Variants in GEMIN5 observed in about 807,000 individuals in gnomAD.
The protein encoded by GEMIN5 is gem-associated protein 5.
A neutral mutation model predicts 176.9 loss-of-function variants in GEMIN5; 124 were observed. The ratio of observed to expected loss-of-function variants is 0.70; its 90% CI spans 0.61 to 0.81. The LOEUF is 0.81. GEMIN5 is among the 40% of genes least tolerant of loss of function. The probability of loss-of-function intolerance (pLI) is 0.00; values close to 1 mark genes in which losing one functional copy is unlikely to be tolerated. For synonymous variants in GEMIN5, 673 were observed against 665.2 expected, an observed-to-expected ratio of 1.01 and a Z score of -0.18; for missense variants, 1,843 against 1,814.6, an observed-to-expected ratio of 1.02 and a Z score of -0.28.
At chr5:154,907,874 T>C (rs1208988861) in intron 15 of GEMIN5, 56 bp from the exon 16 acceptor site, 2 of 1,235,236 alleles carry the variant, frequency 1.6e-6, no homozygotes, top group East Asian at 2.3e-5. Context: ...TTAAAAGCAC[T>C]CTAGGTGGTA....
At chr5:154,924,672 T>C in intron 8 of GEMIN5, 118 bp from the exon 9 acceptor site, 3 of 696,208 alleles carry the variant, frequency 4.3e-6, no homozygotes, top group Non-Finnish European at 7.5e-6. Context: ...ATTTCTTCAT[T>C]ATTTAAAGGA....
At position 154,907,459 on chromosome 5, in the gene GEMIN5, C is replaced by CA. The variant is rs200581237; in HGVS notation, c.2395+131dup. 1,206 of 331,392 alleles carry CA rather than the reference C, an allele frequency of 3.6e-3. 10 individuals are homozygous for CA. The African/African-American group carries it at 0.056, about 15-fold the overall frequency. The allele number at this position is 331,392 out of a possible 1,614,324, so 20.5% of individuals were successfully genotyped here. The stretch of plus-strand genomic sequence containing the variant: ...TTTTAGAGACTTGAATAAAGCTTAA[C>CA]AAAAAAAACTAATGCTGTTTCCAAG... On this transcript the variant is annotated intron_variant, in intron 16 of 27. Transcript: ENST00000285873.
chr5:154,899,252 A>G lies in GEMIN5; in HGVS notation c.3073T>C (p.Leu1025=). The G allele has an allele frequency of 6.2e-7, 1 of 1,613,356 alleles. No homozygotes were observed. The highest frequency in any genetic ancestry group is 8.5e-7 in the Non-Finnish European group (1 of 1,179,582). The stretch of plus-strand genomic sequence containing the variant: ...AGGACGGTTCCCCAGCTGAGGTACA[A>G]GTCCTTCAGGACTGGGTCCTCCGGG... ...LRPEDPVLKD[L]YLSWGTVLER... Residue 1025 remains leucine, a synonymous_variant, in exon 22 of 28, where the codon TTG becomes CTG. Coordinates refer to ENST00000285873, the MANE Select transcript of GEMIN5 (RefSeq NM_015465.5).
At chr5:154,921,462 T>A in intron 9 of GEMIN5, 37 bp from the exon 10 acceptor site, 3 of 942,440 alleles carry the variant, frequency 3.2e-6, no homozygotes, top group African/African-American at 1.7e-5. Context: ...AATGGAGATT[T>A]AAACAAAAAG....
chr5:154,903,402 C>A (rs1423671577), intron 18 of GEMIN5, among the ~76,000 whole-genome samples: 1 of 151,892 alleles, frequency 6.6e-6, no homozygotes, highest in Non-Finnish European at 1.5e-5. Flanking sequence ...AAAAAACAAG[C>A]AAAACAATAT....
chr5:154,905,587 A>G (rs1763552027), intron 16 of GEMIN5, 111 bp from the exon 17 acceptor site: 1 of 469,220 alleles, frequency 2.1e-6, no homozygotes, highest in Non-Finnish European at 3.8e-6. Flanking sequence ...TAATCAATTC[A>G]TCTATTACCA....
chr5:154,894,504 C>A (rs545075354), intron 24 of GEMIN5, among the ~76,000 whole-genome samples: 1 of 152,216 alleles, frequency 6.6e-6, no homozygotes, highest in South Asian at 2.1e-4. Flanking sequence ...GGCGTGATGG[C>A]TCACACTTGT....
intron 15 of GEMIN5, among the ~76,000 whole-genome samples, chr5:154,908,172 C>CTTTTTT (rs386405383): frequency 4.1e-5 from 3 of 73,064 alleles, no homozygotes; most frequent in Non-Finnish European, 7.8e-5. Flanking sequence ...CCCAGATGTC[C>CTTTTTT]TTTTTTTTTT....
chr5:154,900,123 G>T (rs1178841416), intron 21 of GEMIN5, among the ~76,000 whole-genome samples: 1 of 152,198 alleles, frequency 6.6e-6, no homozygotes, highest in African/African-American at 2.4e-5. Flanking sequence ...TACCACTTGT[G>T]TGCCTGAGTT....
At chr5:154,922,138 C>T (rs926880864) in intron 9 of GEMIN5, among the ~76,000 whole-genome samples, 1 of 152,174 alleles carries the variant, frequency 6.6e-6, no homozygotes, top group South Asian at 2.1e-4. Flanking sequence ...ATTTTATAAA[C>T]AGGCTAATTT....
chr5:154,887,561 C>A lies in GEMIN5; in HGVS notation c.*649G>T, dbSNP rs1323523069. On this transcript the variant is annotated 3_prime_UTR_variant, in exon 28 of 28. Transcript: ENST00000285873. ...GTTATAAAACTGAAGGGAAAACACA[C>A]ATTTGAATCACTTCTTCTAAAGCTT... 6.6e-6 allele frequency: 1 copy of A among 152,210 alleles called. No individual in the cohort carries two copies. Among genetic ancestry groups the A allele is most frequent in the African/African-American group, 2.4e-5 (1 of 41,454 alleles). 9.4% of individuals were successfully genotyped at this position (152,210 alleles called of 1,614,324 possible).
At chr5:154,931,948 G>A (rs193072914) in intron 4 of GEMIN5, 151 bp downstream of exon 4, 1 of 645,678 alleles carries the variant, frequency 1.5e-6, no homozygotes, top group Admixed American at 2.8e-5. Context: ...GGGAGGCGGA[G>A]GTTGCGGTGA....
At chr5:154,913,522 G>T (rs1485422314) in intron 13 of GEMIN5, among the ~76,000 whole-genome samples, 7 of 152,134 alleles carry the variant, frequency 4.6e-5, no homozygotes, top group African/African-American at 1.7e-4. Context: ...TGTCACATAA[G>T]ATTTTAAAAA....
At chr5:154,922,491 G>T (rs972700944) in intron 9 of GEMIN5, among the ~76,000 whole-genome samples, 19 of 152,076 alleles carry the variant, frequency 1.2e-4, no homozygotes, top group Non-Finnish European at 2.5e-4. Context: ...AGAATAAGCA[G>T]TTCTGGCAAA....
At chr5:154,889,259 G>T in intron 27 of GEMIN5, 62 bp downstream of exon 27, 1 of 824,798 alleles carries the variant, frequency 1.2e-6, no homozygotes, top group South Asian at 1.4e-5. Flanking sequence ...ATAAGAATGT[G>T]GTATAGTCAA....
chr5:154,892,108 T>C (rs1391837611), intron 25 of GEMIN5, among the ~76,000 whole-genome samples: 1 of 152,244 alleles, frequency 6.6e-6, no homozygotes, highest in African/African-American at 2.4e-5. Context: ...TTTTTTGCTG[T>C]TCTTTTCTGT....
At chr5:154,915,314 C>A (rs1561720578) in intron 13 of GEMIN5, among the ~76,000 whole-genome samples, 1 of 152,192 alleles carries the variant, frequency 6.6e-6, no homozygotes, top group Admixed American at 6.5e-5. Flanking sequence ...ACTATTTTCA[C>A]TATGGCTGAG....
intron 15 of GEMIN5, among the ~76,000 whole-genome samples, chr5:154,909,850 G>A (rs1037146054): frequency 3.3e-5 from 5 of 151,966 alleles, no homozygotes; most frequent in African/African-American, 9.7e-5. Context: ...TGTGAGGCAC[G>A]CACCTATAGT....
At chr5:154,914,763 T>C (rs1334881347) in intron 13 of GEMIN5, among the ~76,000 whole-genome samples, 1 of 152,178 alleles carries the variant, frequency 6.6e-6, no homozygotes, top group African/African-American at 2.4e-5. Context: ...TTGTTTAAAT[T>C]GACAAATAAT....
Sources: allele counts gnomAD v4.1 joint callset (sites outside exome capture counted in the v4.1 genomes callset), GRCh38; gene constraint gnomAD v4.1.1; transcripts MANE v1.5; gene names NCBI Gene and HGNC (gene_info 2026-07-23, HGNC 2026-07-21).